Variants in PLS3 observed in about 807,000 individuals in gnomAD.
The protein encoded by PLS3 is plastin-3.
Under a neutral mutation model 46.5 loss-of-function variants are expected in PLS3, and 11 were observed. The ratio of observed to expected loss-of-function variants is 0.24; its 90% CI spans 0.15 to 0.39. The LOEUF is 0.39. PLS3 is among the 10% of genes least tolerant of loss of function. PLS3 has a pLI of 1.00. For missense variants in PLS3, 308 were observed against 461.8 expected (o/e 0.67, Z 3.05); for synonymous variants, 167 against 162.2 (o/e 1.03, Z -0.22).
chrX:115,565,119 T>C (rs1291015011), intron 1 of PLS3, among the ~76,000 whole-genome samples: 1 of 111,895 alleles, frequency 8.9e-6, no homozygotes, highest in East Asian at 2.8e-4. Context: ...ATTTTAGTTA[T>C]GAGAGCGCTT....
At chrX:115,618,823 G>A (rs1028779145) in intron 2 of PLS3, among the ~76,000 whole-genome samples, 8 of 110,333 alleles carry the variant, frequency 7.3e-5, no homozygotes, top group South Asian at 7.9e-4. Context: ...CCCAGGAGGC[G>A]GAGGTTGTAG....
chrX:115,619,625 A>G (rs1556637261), intron 2 of PLS3, among the ~76,000 whole-genome samples: 1 of 113,043 alleles, frequency 8.8e-6, no homozygotes, highest in African/African-American at 3.2e-5. Context: ...TATACATCCT[A>G]GGGAAATTAA....
intron 1 of PLS3, among the ~76,000 whole-genome samples, chrX:115,608,340 T>TCAAA (rs2074514794): frequency 1.8e-5 from 2 of 112,289 alleles, no homozygotes; most frequent in African/African-American, 6.5e-5. Context: ...ATGTATTTTG[T>TCAAA]ATAGTTTGTG....
intron 2 of PLS3, among the ~76,000 whole-genome samples, chrX:115,612,495 T>C (rs1374426904): frequency 9.0e-6 from 1 of 111,506 alleles, no homozygotes; most frequent in Non-Finnish European, 1.9e-5. Flanking sequence ...ACAAGCTCTA[T>C]AACTTATTAT....
At chrX:115,623,228 C>T (rs1189718667) in intron 3 of PLS3, among the ~76,000 whole-genome samples, 2 of 112,089 alleles carry the variant, frequency 1.8e-5, no homozygotes, top group Non-Finnish European at 3.8e-5. Flanking sequence ...TGGTGGCTCA[C>T]ACCTGTAACT....
intron 1 of PLS3, among the ~76,000 whole-genome samples, chrX:115,591,888 A>G (rs1556633169): frequency 1.8e-5 from 2 of 112,501 alleles, no homozygotes; most frequent in Non-Finnish European, 3.8e-5. Context: ...AACATGTCCT[A>G]TGACTCCTGC....
At chrX:115,630,007 T>C in intron 5 of PLS3, 40 bp downstream of exon 5, 2 of 1,003,630 alleles carry the variant, frequency 2.0e-6, no homozygotes, top group Non-Finnish European at 2.7e-6. Context: ...TATCCAAAAA[T>C]AGCCTTCCAT....
At chrX:115,641,942 C>G (rs189372298) in intron 9 of PLS3, among the ~76,000 whole-genome samples, 48 of 110,190 alleles carry the variant, frequency 4.4e-4, no homozygotes, top group African/African-American at 1.3e-3. Flanking sequence ...CCCACCCCAA[C>G]CTTCCTTCCC....
chrX:115,607,654 C>T (rs2074507914), intron 1 of PLS3, among the ~76,000 whole-genome samples: 2 of 110,934 alleles, frequency 1.8e-5, no homozygotes, highest in South Asian at 7.7e-4. Flanking sequence ...AGGCACCCGC[C>T]ATCACACTTG....
intron 5 of PLS3, among the ~76,000 whole-genome samples, chrX:115,633,286 G>T (rs1008614254): frequency 5.5e-5 from 6 of 108,396 alleles, no homozygotes; most frequent in African/African-American, 1.7e-4. Flanking sequence ...TTCTCCTGCC[G>T]CAGTCTCCCG....
At chrX:115,572,888 T>A (rs1556630844) in intron 1 of PLS3, among the ~76,000 whole-genome samples, 1 of 109,337 alleles carries the variant, frequency 9.1e-6, no homozygotes, top group African/African-American at 3.3e-5. Flanking sequence ...TGGTCAGGAG[T>A]TCGAGACCAG....
intron 9 of PLS3, among the ~76,000 whole-genome samples, chrX:115,641,862 T>G (rs1470462447): frequency 9.1e-6 from 1 of 110,039 alleles, no homozygotes; most frequent in African/African-American, 3.3e-5. Flanking sequence ...TGAAATGTTC[T>G]GCTTGGCACT....
intron 2 of PLS3, among the ~76,000 whole-genome samples, chrX:115,618,885 A>G (rs2074622048): frequency 8.9e-6 from 1 of 112,019 alleles, no homozygotes; most frequent in African/African-American, 3.2e-5. Context: ...AGTGAGACTT[A>G]GTCTCAAAAT....
At chrX:115,586,979 C>T (rs1299520169) in intron 1 of PLS3, among the ~76,000 whole-genome samples, 1 of 112,328 alleles carries the variant, frequency 8.9e-6, no homozygotes, top group East Asian at 2.8e-4. Context: ...TTAGATGGCT[C>T]CTTCATAAAT....
At chrX:115,570,109 G>C (rs928058614) in intron 1 of PLS3, among the ~76,000 whole-genome samples, 2 of 110,355 alleles carry the variant, frequency 1.8e-5, no homozygotes, top group Admixed American at 1.9e-4. Context: ...GCTAATTTTT[G>C]TATTTTTAGT....
At chrX:115,625,303 A>G (rs1556638296) in intron 3 of PLS3, among the ~76,000 whole-genome samples, 1 of 110,867 alleles carries the variant, frequency 9.0e-6, no homozygotes, top group African/African-American at 3.3e-5. Flanking sequence ...TTTCAGAGAA[A>G]TGTCTGTGTG....
intron 1 of PLS3, among the ~76,000 whole-genome samples, chrX:115,587,697 T>C (rs2074318757): frequency 9.7e-6 from 1 of 103,537 alleles, no homozygotes; most frequent in Admixed American, 1.1e-4. Context: ...ATCGCGCCAC[T>C]GCACTCCAGC....
rs1157529504 is a variant in PLS3, at chrX:115,561,201, AGTTGTCTGAGTGG to A, written c.-63_-51del. On this transcript the variant is annotated 5_prime_UTR_variant, in exon 1 of 16. Coordinates refer to ENST00000355899, the MANE Select transcript of PLS3 (RefSeq NM_005032.7). ...AGCTGCAAAGATTCCGAGGTGCAGAAGTTGTCTGAGTGGGTTGGTCGGCGGCAGTCGGGCCAGA... is the reference window on the plus strand; with the variant it reads ...AGCTGCAAAGATTCCGAGGTGCAGAAGTTGGTCGGCGGCAGTCGGGCCAGA... 14 of 112,384 alleles carry A rather than the reference AGTTGTCTGAGTGG, an allele frequency of 1.2e-4. No homozygotes were observed. The highest frequency in any genetic ancestry group is 4.5e-4 in the African/African-American group (14 of 30,959). The allele number at this position is 112,384 out of a possible 1,213,427, so 9.3% of individuals were successfully genotyped here.
chrX:115,638,966 G>A lies in PLS3; in HGVS notation c.892-1442G>A, dbSNP rs187211769. 4.2e-3 allele frequency among the ~76,000 whole-genome samples: 460 copies of A among 110,792 alleles called. 7 individuals carry two copies. The highest frequency in any genetic ancestry group is 0.015 in the African/African-American group (452 of 30,549). On this transcript the variant is annotated intron_variant, in intron 8 of 15. Coordinates refer to ENST00000355899, the MANE Select transcript of PLS3 (RefSeq NM_005032.7). ...CCTGACCTCGTGATCTGCCTACCTC[G>A]GCCTCCCAAAGTGCTGGGATTACAG...
Sources: gnomAD v4.1 joint callset for allele counts (sites outside exome capture counted in the v4.1 genomes callset) on GRCh38, gnomAD v4.1.1 for gene constraint, MANE v1.5 for transcripts, NCBI Gene and HGNC (gene_info 2026-07-23, HGNC 2026-07-21) for gene names.